Variants in SCIN observed in about 807,000 individuals in gnomAD.
The protein encoded by SCIN is scinderin, also known as adseverin.
A neutral mutation model predicts 91.8 loss-of-function variants in SCIN; 91 were observed. The observed-to-expected ratio is 0.99, with a 90% CI of 0.84 to 1.18. SCIN has a LOEUF of 1.18. Among genes scored for constraint, SCIN ranks in the 50% most tolerant of loss-of-function variants. The pLI is 0.00. For missense variants in SCIN, 1,087 were observed against 863.9 expected (o/e 1.26, Z -3.24); for synonymous variants, 367 against 312.6 (o/e 1.17, Z -1.84).
intron 5 of SCIN, 113 bp from the exon 6 acceptor site, chr7:12,624,897 A>G (rs1271974240): frequency 1.9e-6 from 2 of 1,046,404 alleles, no homozygotes; most frequent in Non-Finnish European, 2.7e-6. Flanking sequence ...GTACAATTCA[A>G]TGCTTTTTAT....
intron 3 of SCIN, among the ~76,000 whole-genome samples, chr7:12,599,551 G>A (rs755052185): frequency 4.0e-4 from 61 of 152,152 alleles, no homozygotes; most frequent in Non-Finnish European, 7.9e-4. Context: ...TGGGTTTGCT[G>A]GATCAAACAG....
chr7:12,659,966 TC>T lies in SCIN; in HGVS notation c.*7256del, dbSNP rs372344210. 0.052 allele frequency: 7,858 copies of T among 152,530 alleles called. 281 individuals carry two copies. The highest frequency in any genetic ancestry group is 0.12 in the Middle Eastern group (34 of 294). The allele number at this position is 152,530 out of a possible 1,614,324, so 9.4% of individuals were successfully genotyped here. A position where few individuals can be genotyped will look rare whatever the true frequency, so the allele number is the denominator to read the frequency against. On this transcript the variant is annotated 3_prime_UTR_variant, in exon 16 of 16. Transcript: ENST00000297029. The stretch of plus-strand genomic sequence containing the variant: ...TAACTGATCAGTGTACTTTGTAATC[TC>T]CCCCACCCTTAAGAAGGTTCTTTGT...
In SCIN at chr7:12,626,341, T is replaced by G. The variant is rs1488950106; in HGVS notation, c.982-243T>G. 80 of 483,530 alleles carry G rather than the reference T, an allele frequency of 1.7e-4. No homozygotes were observed. The East Asian group carries it at 2.9e-3, about 18-fold the overall frequency. The allele number at this position is 483,530 out of a possible 1,614,324, so 30.0% of individuals were successfully genotyped here. A position where few individuals can be genotyped will look rare whatever the true frequency, so the allele number is the denominator to read the frequency against. ...GGTCACAGAGCTCTTGTGAACCTTATGTAGAAAGACAAACTTATTTTACTG... is the reference window on the plus strand; with the variant it reads ...GGTCACAGAGCTCTTGTGAACCTTAGGTAGAAAGACAAACTTATTTTACTG... On this transcript the variant is annotated intron_variant, in intron 7 of 15. Transcript: ENST00000297029.
At chr7:12,645,537 A>T (rs2115299757) in intron 13 of SCIN, among the ~76,000 whole-genome samples, 1 of 152,272 alleles carries the variant, frequency 6.6e-6, no homozygotes, top group South Asian at 2.1e-4. Flanking sequence ...CAGGTTCGTT[A>T]CATAGGTAAA....
chr7:12,591,696 C>T (rs565575814), intron 3 of SCIN, among the ~76,000 whole-genome samples: 1 of 152,080 alleles, frequency 6.6e-6, no homozygotes, highest in African/African-American at 2.4e-5. Context: ...GCTAGGAGGG[C>T]AAAGTTGGAA....
chr7:12,599,909 A>G (rs373877398), intron 3 of SCIN, among the ~76,000 whole-genome samples: 5 of 152,250 alleles, frequency 3.3e-5, no homozygotes, highest in East Asian at 3.9e-4. Context: ...GATTCTTGAT[A>G]TTAGTCCTTT....
At chr7:12,579,702 G>A (rs905523918) in intron 2 of SCIN, among the ~76,000 whole-genome samples, 1 of 152,182 alleles carries the variant, frequency 6.6e-6, no homozygotes, top group East Asian at 1.9e-4. Flanking sequence ...GATCACCTGA[G>A]GTCAGAAGTT....
At chr7:12,619,077 C>CCT (rs566537290) in intron 4 of SCIN, among the ~76,000 whole-genome samples, 2 of 152,060 alleles carry the variant, frequency 1.3e-5, no homozygotes, top group Admixed American at 6.6e-5. Context: ...ACAGGTTCTG[C>CCT]CTCTCTCTCA....
rs150936326 is a variant in SCIN at position 12,590,053 on chromosome 7, TGGATGCCAA to T, written c.516+8835_516+8843del. Among the ~76,000 whole-genome samples, 273 of 152,260 alleles carry T rather than the reference TGGATGCCAA, an allele frequency of 1.8e-3. 9 individuals carry two copies. In the East Asian group the frequency reaches 0.05, roughly 28 times the overall value. Reference sequence around the variant, plus strand: ...CCAGCATGGGATATGGAGACGCCACTGGATGCCAAGGGACTGAGAAACCTGTTGAGTGAT... The same window carrying T: ...CCAGCATGGGATATGGAGACGCCACTGGGACTGAGAAACCTGTTGAGTGAT... On this transcript the variant is annotated intron_variant, in intron 3 of 15. Transcript: ENST00000297029.
chr7:12,644,237 G>C lies in SCIN; in HGVS notation c.1681G>C (p.Glu561Gln), dbSNP rs1193198181. The C allele has an allele frequency of 1.7e-5, 27 of 1,609,102 alleles. No individual in the cohort carries two copies. The highest frequency in any genetic ancestry group is 2.7e-5 in the African/African-American group (2 of 74,868). The change falls in exon 12 of 16, where the codon GAG becomes CAG. Residue 561 changes from glutamate (E) to glutamine (Q), a missense_variant. By Grantham distance (29) the Glu-to-Gln change is conservative. Coordinates refer to ENST00000297029, the MANE Select transcript of SCIN (RefSeq NM_001112706.3). ...CTGGGTAGGAAAAGGTGCTAGCCAG[G>C]AGGAGGAGAAAGGAGCAGAGTATGT... The part of the protein sequence containing the change: ...YIWVGKGASQ[E>Q]EEKGAEYVAS...
At chr7:12,594,508 AT>A (rs1236608706) in intron 3 of SCIN, among the ~76,000 whole-genome samples, 3 of 152,118 alleles carry the variant, frequency 2.0e-5, no homozygotes, top group Admixed American at 2.0e-4. Flanking sequence ...CGAAAGTGCC[AT>A]TTTCGGGCCA....
At chr7:12,633,015 C>G (rs1783677788) in intron 9 of SCIN, among the ~76,000 whole-genome samples, 1 of 152,100 alleles carries the variant, frequency 6.6e-6, no homozygotes, top group Non-Finnish European at 1.5e-5. Context: ...GTTTGTGGAA[C>G]TTCAAAAGCT....
intron 9 of SCIN, 73 bp downstream of exon 9, chr7:12,629,295 A>G (rs905825963): frequency 7.2e-7 from 1 of 1,384,490 alleles, no homozygotes; most frequent in East Asian, 2.4e-5. Context: ...AATTCTATGC[A>G]TTATGGGGTA....
intron 13 of SCIN, among the ~76,000 whole-genome samples, chr7:12,648,235 C>G (rs1376558297): frequency 6.6e-6 from 1 of 150,810 alleles, no homozygotes; most frequent in Non-Finnish European, 1.5e-5. Flanking sequence ...ATAATGTCAT[C>G]TTATTGAAAT....
In SCIN at chr7:12,655,518, A is replaced by C. The variant is rs1366637943; in HGVS notation, c.*2803A>C. 4 of 152,144 alleles carry C rather than the reference A, an allele frequency of 2.6e-5. No homozygotes were observed. Among genetic ancestry groups the C allele is most frequent in the African/African-American group, 2.4e-5 (1 of 41,428 alleles). 9.4% of individuals were successfully genotyped at this position (152,144 alleles called of 1,614,324 possible). ...AAATAATGAAAAGATGTTCTAAGAC[A>C]CTCTTAATTAAATAAATTCACAATA... On this transcript the variant is annotated 3_prime_UTR_variant, in exon 16 of 16. Transcript: ENST00000297029.
At chr7:12,616,472 G>A (rs1437061816) in intron 4 of SCIN, among the ~76,000 whole-genome samples, 1 of 152,068 alleles carries the variant, frequency 6.6e-6, no homozygotes, top group Non-Finnish European at 1.5e-5. Context: ...CTGCTACCTT[G>A]ATATTGGACT....
At chr7:12,590,165 A>G (rs1782688132) in intron 3 of SCIN, among the ~76,000 whole-genome samples, 1 of 152,180 alleles carries the variant, frequency 6.6e-6, no homozygotes, top group South Asian at 2.1e-4. Flanking sequence ...TTCTGTTACA[A>G]GAATTTGGGA....
At chr7:12,586,730 A>G (rs1193013587) in intron 3 of SCIN, among the ~76,000 whole-genome samples, 1 of 152,202 alleles carries the variant, frequency 6.6e-6, no homozygotes, top group African/African-American at 2.4e-5. Context: ...CACACAATGG[A>G]ACAATAATCA....
intron 1 of SCIN, among the ~76,000 whole-genome samples, chr7:12,572,908 G>A (rs1782298048): frequency 6.6e-6 from 1 of 151,858 alleles, no homozygotes; most frequent in African/African-American, 2.4e-5. Context: ...TCACCTCAAA[G>A]GTGCAAAAAG....
Sources: gnomAD v4.1 joint callset for allele counts (sites outside exome capture counted in the v4.1 genomes callset) on GRCh38, gnomAD v4.1.1 for gene constraint, MANE v1.5 for transcripts, NCBI Gene and HGNC (gene_info 2026-07-23, HGNC 2026-07-21) for gene names.